The following HMCN2 variants were observed in gnomAD, a reference collection of about 807,000 sequenced individuals.
HMCN2 encodes the protein hemicentin 2.
In HMCN2, 325 loss-of-function variants were observed where a neutral mutation model predicts 377.5. The observed-to-expected ratio is 0.86, with a 90% CI of 0.79 to 0.94. The LOEUF is 0.94. HMCN2 is among the 40% of genes least tolerant of loss of function. The pLI is 0.00. For synonymous variants in HMCN2, 2,007 were observed against 2,046.8 expected (o/e 0.98, Z 0.53); for missense variants, 4,543 against 4,725.3 (o/e 0.96, Z 1.13).
intron 22 of HMCN2, among the ~76,000 whole-genome samples, chr9:130,334,745 T>TTTCTCTCTCTCTC (rs1838636718): frequency 1.7e-5 from 2 of 118,940 alleles, no homozygotes; most frequent in South Asian, 6.3e-4. Flanking sequence ...TCTCTTTCTC[T>TTTCTCTCTCTCTC]TTCTCTCTCT....
At chr9:130,342,869 GC>G (rs1355604476) in intron 25 of HMCN2, among the ~76,000 whole-genome samples, 1 of 152,182 alleles carries the variant, frequency 6.6e-6, no homozygotes, top group African/African-American at 2.4e-5. Flanking sequence ...GGCCAAAGCA[GC>G]TTTTCTGGGC....
intron 22 of HMCN2, among the ~76,000 whole-genome samples, chr9:130,333,026 G>T (rs1025862844): frequency 8.5e-5 from 13 of 152,206 alleles, no homozygotes; most frequent in Non-Finnish European, 1.5e-4. Flanking sequence ...GGAAGGTCTG[G>T]GGGGAGGGAG....
At position 130,414,967 on chromosome 9, in the gene HMCN2, CAGGCCGAGTGGGG is replaced by C. The variant is rs1377512835; in HGVS notation, c.12962-3802_12962-3790del. ...CTGAGTGGGAAGCCCCTCGCCTACA[CAGGCCGAGTGGGG>C]AGCAATAAGCAGTGCCCCTCTCCCT... On this transcript the variant is annotated intron_variant, in intron 85 of 97. Coordinates refer to ENST00000683500, the MANE Select transcript of HMCN2 (RefSeq NM_001291815.2). The surrounding 1 kb of genome is among the most constrained non-coding windows in gnomAD (Gnocchi z 4.4). Among the ~76,000 whole-genome samples the C allele has an allele frequency of 2.0e-5, 3 of 152,144 alleles. No individual in the cohort carries two copies. Among genetic ancestry groups the C allele is most frequent in the African/African-American group, 7.2e-5 (3 of 41,410 alleles).
In HMCN2 at chr9:130,360,623, A is replaced by G; in HGVS notation, c.5950+19A>G. 7.9e-7 allele frequency: 1 copy of G among 1,267,184 alleles called. No individual in the cohort carries two copies. The highest frequency in any genetic ancestry group is 1.0e-6 in the Non-Finnish European group (1 of 966,404). 78.5% of individuals were successfully genotyped at this position (1,267,184 alleles called of 1,614,324 possible). ...GTCAATGGTGAGCTTCCCTGGGCCTACAAGGTCCCTTGTCCAAAAAGTTGT... is the reference window on the plus strand; with the variant it reads ...GTCAATGGTGAGCTTCCCTGGGCCTGCAAGGTCCCTTGTCCAAAAAGTTGT... On this transcript the variant is annotated intron_variant, in intron 38 of 97. Coordinates refer to ENST00000683500, the MANE Select transcript of HMCN2 (RefSeq NM_001291815.2). This position sits in a 1 kb window ranked among gnomAD's most constrained non-coding sequence, Gnocchi z 4.7.
rs1322991272 is a variant in HMCN2 at position 130,304,221 on chromosome 9, A to G, written c.1544-509A>G. On this transcript the variant is annotated intron_variant, in intron 10 of 97. Transcript: ENST00000683500. The surrounding 1 kb of genome is among the most constrained non-coding windows in gnomAD (Gnocchi z 4.3). ...TTTACTCCCTTTTAGGTTTTTTTCT[A>G]TGTTCAGCAGTCTCTGATCTTGCCA... 6.6e-6 allele frequency among the ~76,000 whole-genome samples: 1 copy of G among 152,088 alleles called. No homozygotes were observed.
rs546833231 is a variant in HMCN2, at chr9:130,408,478, A to G, written c.12689-265A>G. 2.6e-5 allele frequency among the ~76,000 whole-genome samples: 4 copies of G among 152,240 alleles called. No individual in the cohort carries two copies. In the South Asian group the frequency reaches 8.3e-4, roughly 32 times the overall value. ...GCCTGTGCCCATCTCAGGCATCACT[A>G]ATCAATCACAGCACCATTCTCATTC... On this transcript the variant is annotated intron_variant, in intron 83 of 97. Coordinates refer to ENST00000683500, the MANE Select transcript of HMCN2 (RefSeq NM_001291815.2).
Position 130,303,648 on chromosome 9 carries a change from C to T in HMCN2, c.1543+40C>T, listed in dbSNP as rs1163835561. On this transcript the variant is annotated intron_variant, in intron 10 of 97. Coordinates refer to ENST00000683500, the MANE Select transcript of HMCN2 (RefSeq NM_001291815.2). The surrounding 1 kb of genome is among the most constrained non-coding windows in gnomAD (Gnocchi z 5.2). ...GCCCCTCCATGTACCCCTTCCTTAC[C>T]CTCTTCTTGGGTTCTTACCCCTAGG... The T allele has an allele frequency of 4.4e-6, 1 of 227,178 alleles. No homozygotes were observed. Among genetic ancestry groups the T allele is most frequent in the African/African-American group, 2.4e-5 (1 of 42,014 alleles). The allele number at this position is 227,178 out of a possible 1,614,324, so 14.1% of individuals were successfully genotyped here.
intron 15 of HMCN2, among the ~76,000 whole-genome samples, chr9:130,315,033 G>A (rs1837456445): frequency 6.6e-6 from 1 of 151,908 alleles, no homozygotes. Context: ...AAATCCCTGG[G>A]AGGGGAGCGT....
intron 19 of HMCN2, among the ~76,000 whole-genome samples, chr9:130,323,059 G>A (rs1837937193): frequency 6.6e-6 from 1 of 152,072 alleles, no homozygotes; most frequent in African/African-American, 2.4e-5. Flanking sequence ...CCAGGGTGGA[G>A]TGTGTACCAC....
At chr9:130,412,567 C>CTTTTTTTTTTTTTT (rs55873444) in intron 85 of HMCN2, among the ~76,000 whole-genome samples, 12 of 134,526 alleles carry the variant, frequency 8.9e-5, no homozygotes, top group African/African-American at 1.6e-4. Context: ...CTTTCTTTCT[C>CTTTTTTTTTTTTTT]TTTTTTTTTT....
chr9:130,343,209 G>T (rs1260564949), intron 25 of HMCN2, among the ~76,000 whole-genome samples: 1 of 152,186 alleles, frequency 6.6e-6, no homozygotes, highest in African/African-American at 2.4e-5. Flanking sequence ...TGCCTCAGTT[G>T]CTTCTTTCGG....
rs889018911 is a variant in HMCN2 at position 130,397,640 on chromosome 9, G to A, written c.11311G>A (p.Asp3771Asn). The A allele has an allele frequency of 2.6e-5, 33 of 1,289,696 alleles. No homozygotes were observed. The African/African-American group carries it at 4.1e-4, about 16-fold the overall frequency. The allele number at this position is 1,289,696 out of a possible 1,614,324, so 79.9% of individuals were successfully genotyped here. Residue 3771 changes from aspartate to asparagine, a missense_variant, in exon 74 of 98, where the codon GAC (aspartate) becomes AAC (asparagine). Physicochemically the swap from Asp to Asn is conservative, Grantham distance 23. Transcript: ENST00000683500. ...NSAGSDRQGRDLRVLEPPAIA... is the reference protein window; with the variant it reads ...NSAGSDRQGRNLRVLEPPAIA... ...TGCTGGCTCCGATCGTCAAGGCCGT[G>A]ACCTACGGGTCTTGGGTAGGTGGCC...
chr9:130,351,654 G>A lies in HMCN2; in HGVS notation c.4585+77G>A, dbSNP rs931901881. 5.9e-6 allele frequency: 7 copies of A among 1,185,970 alleles called. No homozygotes were observed. Among genetic ancestry groups the A allele is most frequent in the African/African-American group, 1.6e-5 (1 of 63,236 alleles). The allele number at this position is 1,185,970 out of a possible 1,614,324, so 73.5% of individuals were successfully genotyped here. A position where few individuals can be genotyped will look rare whatever the true frequency, so the allele number is the denominator to read the frequency against. On this transcript the variant is annotated intron_variant, in intron 30 of 97. Coordinates refer to ENST00000683500, the MANE Select transcript of HMCN2 (RefSeq NM_001291815.2). This position sits in a 1 kb window ranked among gnomAD's most constrained non-coding sequence, Gnocchi z 5.4. ...CCACCCAGCTGCCCGCTGCCTTAGA[G>A]GGAGAGTGAGGGCTGAAATGGGGGA... is the stretch of plus-strand genomic sequence containing the variant.
At chr9:130,424,204 AGTCTCGCTCTGTCACCCAGG>A (rs1844189987) in intron 87 of HMCN2, among the ~76,000 whole-genome samples, 2 of 143,694 alleles carry the variant, frequency 1.4e-5, no homozygotes, top group Non-Finnish European at 3.0e-5. Flanking sequence ...TTTGAGACGG[AGTCTCGCTCTGTCACCCAGG>A]CTAGAGTGCA....
At chr9:130,365,291 G>A (rs1480213018) in intron 41 of HMCN2, among the ~76,000 whole-genome samples, 3 of 152,218 alleles carry the variant, frequency 2.0e-5, no homozygotes, top group Admixed American at 6.5e-5. Context: ...CTTCTCTTCG[G>A]GTCTGTTTTC....
Position 130,268,743 on chromosome 9 carries a change from G to A in HMCN2, c.259+2606G>A, listed in dbSNP as rs182432262. Among the ~76,000 whole-genome samples, 383 of 149,252 alleles carry A rather than the reference G, an allele frequency of 2.6e-3. 8 individuals carry two copies. Among genetic ancestry groups the A allele is most frequent in the African/African-American group, 8.3e-3 (345 of 41,374 alleles). On this transcript the variant is annotated intron_variant, in intron 1 of 97. Coordinates refer to ENST00000683500, the MANE Select transcript of HMCN2 (RefSeq NM_001291815.2). ...GTGGAGCTGGCTGGGTAAGGACCGG[G>A]GGATGGACAGGAGGGCTGATGTGGA...
intron 22 of HMCN2, among the ~76,000 whole-genome samples, chr9:130,327,878 C>G (rs1032793889): frequency 6.6e-5 from 10 of 152,192 alleles, no homozygotes; most frequent in Non-Finnish European, 1.2e-4. Flanking sequence ...CATGCCTGCT[C>G]TGCAGACCAG....
At chr9:130,385,410 C>T (rs527450557) in intron 59 of HMCN2, 150 bp from the exon 60 acceptor site, 1 of 402,842 alleles carries the variant, frequency 2.5e-6, no homozygotes, top group African/African-American at 2.1e-5. Flanking sequence ...GCCTGGTTCT[C>T]TTCCTCCACC....
At chr9:130,410,479 C>T in intron 84 of HMCN2, 92 bp from the exon 85 acceptor site, 2 of 1,190,428 alleles carry the variant, frequency 1.7e-6, no homozygotes, top group East Asian at 2.6e-5. Context: ...AAGCCCCTTG[C>T]TGGCTGGCTG....
Sources: allele counts gnomAD v4.1 joint callset (sites outside exome capture counted in the v4.1 genomes callset), GRCh38; gene constraint gnomAD v4.1.1; non-coding constraint Gnocchi (gnomAD v3.1); transcripts MANE v1.5; gene names NCBI Gene and HGNC (gene_info 2026-07-23, HGNC 2026-07-21).